The following TENM3 variants were observed in gnomAD, a reference collection of about 807,000 sequenced individuals.
TENM3 encodes the protein teneurin-3.
TENM3 carries 63 observed loss-of-function variants against 255.1 expected under a neutral mutation model. The ratio of observed to expected loss-of-function variants is 0.25; its 90% CI spans 0.20 to 0.30. TENM3 has a LOEUF of 0.30. Among genes scored for constraint, TENM3 ranks in the 10% least tolerant of loss-of-function variants. The pLI, the probability that TENM3 is intolerant of heterozygous loss-of-function variation, is 1.00. For synonymous variants in TENM3, 1,306 were observed against 1,322.3 expected (o/e 0.99, Z 0.27); for missense variants, 2,929 against 3,461.1 (o/e 0.85, Z 3.86).
Position 182,757,163 on chromosome 4 carries a change from T to A in TENM3, c.4892+1904T>A, listed in dbSNP as rs542043327. 3.2e-3 allele frequency among the ~76,000 whole-genome samples: 481 copies of A among 151,848 alleles called. 5 individuals carry two copies. Among genetic ancestry groups the A allele is most frequent in the Middle Eastern group, 0.027 (8 of 292 alleles). ...CTGTCTCTACTAAAAATACAAAAAA[T>A]TCGCCAGGCGTGGTGGCAGGTGCCT... On this transcript the variant is annotated intron_variant, in intron 22 of 27. Coordinates refer to ENST00000511685, the MANE Select transcript of TENM3 (RefSeq NM_001080477.4).
the TENM3 span, among the ~76,000 whole-genome samples, chr4:181,544,252 T>C: frequency 1.3e-5 from 2 of 151,858 alleles, no homozygotes; most frequent in East Asian, 1.9e-4. Flanking sequence ...TAACTATAAA[T>C]AAACTCTTGC....
chr4:182,226,971 G>A (rs1408119276), intron 1 of TENM3, among the ~76,000 whole-genome samples: 1 of 152,050 alleles, frequency 6.6e-6, no homozygotes, highest in Admixed American at 6.6e-5. Context: ...GGATCTTCCT[G>A]CAGTTACTTA....
chr4:181,458,710 T>C, the TENM3 span, among the ~76,000 whole-genome samples: 1 of 151,948 alleles, frequency 6.6e-6, no homozygotes, highest in Non-Finnish European at 1.5e-5. Flanking sequence ...CCATAAAGAT[T>C]TTCTTCCTTG....
chr4:181,721,850 G>T, the TENM3 span, among the ~76,000 whole-genome samples: 4 of 152,042 alleles, frequency 2.6e-5, no homozygotes, highest in African/African-American at 9.7e-5. Flanking sequence ...AGATGGTGTG[G>T]CTGTCACTGA....
intron 3 of TENM3, among the ~76,000 whole-genome samples, chr4:182,455,647 C>T (rs1322779137): frequency 2.7e-5 from 4 of 150,672 alleles, no homozygotes; most frequent in South Asian, 2.1e-4. Flanking sequence ...CTGCAGCCTC[C>T]GCCTCCCGGG....
intron 3 of TENM3, among the ~76,000 whole-genome samples, chr4:182,421,848 C>T (rs1211063253): frequency 1.3e-5 from 2 of 152,174 alleles, no homozygotes; most frequent in African/African-American, 4.8e-5. Context: ...CCAACCATGA[C>T]CTCAGGGGCT....
chr4:181,857,255 GC>G, the TENM3 span, among the ~76,000 whole-genome samples: 13 of 151,562 alleles, frequency 8.6e-5, 1 homozygote, highest in Admixed American at 4.6e-4. Flanking sequence ...GAAGAAACCA[GC>G]CAGGAAAAGA....
At chr4:182,640,155 TA>T (rs1222157896) in intron 5 of TENM3, among the ~76,000 whole-genome samples, 1 of 152,186 alleles carries the variant, frequency 6.6e-6, no homozygotes, top group African/African-American at 2.4e-5. Flanking sequence ...ATTTTTCCCT[TA>T]AGGTAATACA....
At chr4:182,038,856 C>T in the TENM3 span, among the ~76,000 whole-genome samples, 2 of 152,078 alleles carry the variant, frequency 1.3e-5, no homozygotes, top group African/African-American at 4.8e-5. Flanking sequence ...GCCTCAGGCT[C>T]CCGAGTAGCT....
chr4:182,117,936 A>G, the TENM3 span, among the ~76,000 whole-genome samples: 231 of 152,252 alleles, frequency 1.5e-3, no homozygotes, highest in African/African-American at 5.1e-3. Flanking sequence ...CTCTCCATTT[A>G]CATATTTCTT....
Position 182,731,049 on chromosome 4 carries a change from C to A in TENM3, c.2877C>A (p.Phe959Leu). The A allele has an allele frequency of 6.2e-7, 1 of 1,613,788 alleles. No homozygotes were observed. The highest frequency in any genetic ancestry group is 8.5e-7 in the Non-Finnish European group (1 of 1,179,754). The change falls in exon 16 of 28, where the codon TTC (phenylalanine) becomes TTA (leucine). Residue 959 changes from phenylalanine (F) to leucine (L), a missense_variant. Transcript: ENST00000511685. ...TTCCCAGCTGTGATCTGAGTGGATTCGTGAGGCCAAATCCCATCATTGTGT... is the reference window on the plus strand; with the variant it reads ...TTCCCAGCTGTGATCTGAGTGGATTAGTGAGGCCAAATCCCATCATTGTGT... ...NDIPSCDLSG[F>L]VRPNPIIVSS...
the TENM3 span, chr4:181,522,581 T>C: frequency 2.4e-6 from 1 of 416,462 alleles, no homozygotes; most frequent in African/African-American, 2.0e-5. Flanking sequence ...GCCAGTAAAT[T>C]TGGAGAAATA....
the TENM3 span, among the ~76,000 whole-genome samples, chr4:181,995,518 T>C: frequency 2.0e-5 from 3 of 152,144 alleles, no homozygotes; most frequent in South Asian, 2.1e-4. Flanking sequence ...TCAGGTTGTA[T>C]TGCAAAAGGC....
At chr4:182,461,883 C>G (rs1442209864) in intron 3 of TENM3, among the ~76,000 whole-genome samples, 1 of 152,134 alleles carries the variant, frequency 6.6e-6, no homozygotes, top group Non-Finnish European at 1.5e-5. Flanking sequence ...AGATCCAGGC[C>G]TAAAAATTGC....
At chr4:181,637,818 T>C in the TENM3 span, among the ~76,000 whole-genome samples, 1 of 152,214 alleles carries the variant, frequency 6.6e-6, no homozygotes, top group African/African-American at 2.4e-5. Context: ...GAGACATGCA[T>C]TTTTGTTCAT....
intron 1 of TENM3, among the ~76,000 whole-genome samples, chr4:182,213,658 C>T (rs905418899): frequency 6.6e-6 from 1 of 152,150 alleles, no homozygotes; most frequent in Admixed American, 6.5e-5. Flanking sequence ...TCATCTCAGT[C>T]ATGGAAACAC....
the TENM3 span, among the ~76,000 whole-genome samples, chr4:181,518,640 G>A: frequency 6.6e-6 from 1 of 152,116 alleles, no homozygotes; most frequent in Non-Finnish European, 1.5e-5. Flanking sequence ...TATTGGCCAG[G>A]CTGGTCTCGA....
the TENM3 span, among the ~76,000 whole-genome samples, chr4:181,834,030 C>T: frequency 1.5e-4 from 22 of 151,498 alleles, no homozygotes; most frequent in African/African-American, 4.9e-4. Context: ...AGGAAAAGAC[C>T]AATTGTATTC....
the TENM3 span, among the ~76,000 whole-genome samples, chr4:181,698,113 C>A: frequency 6.6e-6 from 1 of 151,122 alleles, no homozygotes; most frequent in Non-Finnish European, 1.5e-5. Flanking sequence ...ACTTGGAAGG[C>A]TGAGGCAGGA....
Sources: gnomAD v4.1 joint callset for allele counts (sites outside exome capture counted in the v4.1 genomes callset) on GRCh38, gnomAD v4.1.1 for gene constraint, MANE v1.5 for transcripts, NCBI Gene and HGNC (gene_info 2026-07-23, HGNC 2026-07-21) for gene names.